PPM1H: variants seen among roughly 807,000 people sequenced by gnomAD.
The protein encoded by PPM1H is protein phosphatase 1H.
In PPM1H, 27 loss-of-function variants were observed where a neutral mutation model predicts 54.9. The observed-to-expected ratio is 0.49, with a 90% confidence interval of 0.36 to 0.68. The LOEUF is 0.68. Among genes scored for constraint, PPM1H ranks in the 30% least tolerant of loss-of-function variants. The pLI is 0.00. For synonymous variants in PPM1H, 305 were observed against 270.8 expected, an observed-to-expected ratio of 1.13 and a Z score of -1.24; for missense variants, 596 against 667.8, an observed-to-expected ratio of 0.89 and a Z score of 1.19.
chr12:62,798,585 A>G (rs1010760722), intron 3 of PPM1H, among the ~76,000 whole-genome samples: 1 of 152,148 alleles, frequency 6.6e-6, no homozygotes, highest in Non-Finnish European at 1.5e-5. Flanking sequence ...AAGCTAGGGC[A>G]TGGGGGTAAA....
At chr12:62,671,572 C>T (rs1355783707) in intron 8 of PPM1H, among the ~76,000 whole-genome samples, 1 of 152,142 alleles carries the variant, frequency 6.6e-6, no homozygotes, top group Non-Finnish European at 1.5e-5. Context: ...GAGATAGACA[C>T]CCAAATAAAT....
At chr12:62,910,937 T>C (rs529843896) in intron 1 of PPM1H, among the ~76,000 whole-genome samples, 2 of 152,244 alleles carry the variant, frequency 1.3e-5, no homozygotes, top group East Asian at 3.9e-4. Context: ...AGATCCATGA[T>C]AAAAACTAAA....
chr12:62,709,503 G>A (rs951907597), intron 6 of PPM1H, among the ~76,000 whole-genome samples: 4 of 151,986 alleles, frequency 2.6e-5, no homozygotes, highest in Admixed American at 6.6e-5. Flanking sequence ...CCTTTGCTCC[G>A]AATGTCCTTC....
At chr12:62,900,344 C>G (rs149392302) in intron 1 of PPM1H, among the ~76,000 whole-genome samples, 1 of 151,666 alleles carries the variant, frequency 6.6e-6, no homozygotes, top group African/African-American at 2.4e-5. Context: ...GGACATGAAC[C>G]CTTGGACACA....
At chr12:62,866,139 T>G (rs1249617190) in intron 1 of PPM1H, among the ~76,000 whole-genome samples, 1 of 152,168 alleles carries the variant, frequency 6.6e-6, no homozygotes, top group African/African-American at 2.4e-5. Flanking sequence ...AAGAGACTTG[T>G]GTCAAGCTGT....
chr12:62,786,961 A>G (rs934088571), intron 4 of PPM1H, among the ~76,000 whole-genome samples: 4 of 152,178 alleles, frequency 2.6e-5, no homozygotes, highest in Admixed American at 6.5e-5. Context: ...ATGTCACCAC[A>G]TATATACTTT....
chr12:62,693,825 G>C, intron 7 of PPM1H, 111 bp downstream of exon 7: 3 of 936,362 alleles, frequency 3.2e-6, no homozygotes, highest in Non-Finnish European at 5.0e-6. Context: ...AGCTGTCAAG[G>C]CTATAAAATC....
At chr12:62,667,477 T>G in intron 8 of PPM1H, 148 bp from the exon 9 acceptor site, 36 of 683,000 alleles carry the variant, frequency 5.3e-5, no homozygotes, top group Non-Finnish European at 7.1e-5. Flanking sequence ...TACAGCGAGC[T>G]GTGTGGCCAG....
At chr12:62,829,780 G>A (rs1868330674) in intron 2 of PPM1H, among the ~76,000 whole-genome samples, 1 of 152,148 alleles carries the variant, frequency 6.6e-6, no homozygotes, top group Admixed American at 6.5e-5. Context: ...AGTCACCCCA[G>A]CTCCATTTCT....
At chr12:62,905,327 G>T (rs761222328) in intron 1 of PPM1H, among the ~76,000 whole-genome samples, 1 of 152,136 alleles carries the variant, frequency 6.6e-6, no homozygotes, top group Non-Finnish European at 1.5e-5. Context: ...GATTGGCAAG[G>T]CTCAACGTGT....
chr12:62,747,200 G>A (rs752168891), intron 4 of PPM1H, among the ~76,000 whole-genome samples: 34 of 151,482 alleles, frequency 2.2e-4, no homozygotes, highest in Non-Finnish European at 3.7e-4. Context: ...GCAATGGCGC[G>A]ATCTCGGCTC....
At chr12:62,882,334 G>C (rs1405211251) in intron 1 of PPM1H, among the ~76,000 whole-genome samples, 2 of 152,268 alleles carry the variant, frequency 1.3e-5, no homozygotes, top group African/African-American at 4.8e-5. Context: ...AGTCTATCCT[G>C]TGTGGTGAGA....
intron 9 of PPM1H, among the ~76,000 whole-genome samples, chr12:62,666,747 T>C (rs2075919690): frequency 6.6e-6 from 1 of 152,098 alleles, no homozygotes; most frequent in African/African-American, 2.4e-5. Flanking sequence ...AGAGGGTCGC[T>C]CTGTCACCCA....
At chr12:62,670,485 G>C (rs1195606281) in intron 8 of PPM1H, among the ~76,000 whole-genome samples, 1 of 152,088 alleles carries the variant, frequency 6.6e-6, no homozygotes, top group Non-Finnish European at 1.5e-5. Context: ...TAATTTCAGA[G>C]TCTGCCCTAT....
chr12:62,831,054 C>T lies in PPM1H; in HGVS notation c.411+1060G>A, dbSNP rs1239483576. ...ATTTTTAGTAGAGATGGGGTTTCAC[C>T]ATGTTAGCCAGGATGGTCTGGATCT... On this transcript the variant is annotated intron_variant, in intron 2 of 9. Transcript: ENST00000228705. Among the ~76,000 whole-genome samples, 6 of 151,362 alleles carry T rather than the reference C, an allele frequency of 4.0e-5. No homozygotes were observed. The East Asian group carries it at 5.9e-4, about 15-fold the overall frequency.
intron 4 of PPM1H, chr12:62,755,792 G>T: frequency 1.1e-6 from 1 of 948,852 alleles, no homozygotes; most frequent in East Asian, 2.4e-5. Context: ...GAAGACTGTG[G>T]ATGGCCCCTC....
intron 1 of PPM1H, among the ~76,000 whole-genome samples, chr12:62,910,703 T>C (rs1169931552): frequency 6.6e-6 from 1 of 152,190 alleles, no homozygotes; most frequent in Non-Finnish European, 1.5e-5. Context: ...GCGATATCTC[T>C]TGATAAGAAA....
intron 1 of PPM1H, among the ~76,000 whole-genome samples, chr12:62,885,878 G>A (rs1382361641): frequency 2.0e-5 from 3 of 152,176 alleles, no homozygotes; most frequent in Non-Finnish European, 4.4e-5. Context: ...GCCAGTTCAT[G>A]AAATATCAGG....
At chr12:62,816,834 A>G (rs112801241) in intron 2 of PPM1H, among the ~76,000 whole-genome samples, 3 of 152,082 alleles carry the variant, frequency 2.0e-5, no homozygotes, top group African/African-American at 7.2e-5. Context: ...AAGTGAAGCA[A>G]GAAGAAATTT....
Sources: gnomAD v4.1 joint callset for allele counts (sites outside exome capture counted in the v4.1 genomes callset) on GRCh38, gnomAD v4.1.1 for gene constraint, MANE v1.5 for transcripts, NCBI Gene and HGNC (gene_info 2026-07-23, HGNC 2026-07-21) for gene names.